The following GTF2IRD1 variants were observed in gnomAD, a reference collection of about 807,000 sequenced individuals.
GTF2IRD1 encodes GTF2I repeat domain containing 1, also known as general transcription factor II-I repeat domain-containing protein 1.
GTF2IRD1 carries 26 observed loss-of-function variants against 113.2 expected under a neutral mutation model. The observed-to-expected ratio is 0.23, with a 90% CI of 0.17 to 0.32. The LOEUF (loss-of-function observed/expected upper bound fraction) is 0.32. Ranked by LOEUF, GTF2IRD1 falls within the 10% of genes least tolerant of loss-of-function variation. GTF2IRD1 has a pLI of 1.00. For synonymous variants in GTF2IRD1, 484 were observed against 529.1 expected (o/e 0.91, Z 1.17); for missense variants, 864 against 1,280.8 (o/e 0.67, Z 4.97).
intron 9 of GTF2IRD1, among the ~76,000 whole-genome samples, chr7:74,531,411 G>A (rs1411879778): frequency 1.3e-5 from 2 of 152,168 alleles, no homozygotes; most frequent in Non-Finnish European, 2.9e-5. Context: ...CCTGATAATT[G>A]TCCATGCCTC....
intron 1 of GTF2IRD1, among the ~76,000 whole-genome samples, chr7:74,501,364 T>TGGGA (rs1296069776): frequency 3.3e-5 from 5 of 152,188 alleles, no homozygotes; most frequent in African/African-American, 1.2e-4. Flanking sequence ...GGTCTTCAGG[T>TGGGA]GGGAATTCCT....
Position 74,578,213 on chromosome 7 carries a change from G to A in GTF2IRD1, c.2321-11638G>A, listed in dbSNP as rs183930549. Among the ~76,000 whole-genome samples the A allele has an allele frequency of 1.5e-4, 23 of 151,996 alleles. No homozygotes were observed. The East Asian group carries it at 4.5e-3, about 30-fold the overall frequency. On this transcript the variant is annotated intron_variant, in intron 22 of 26. Coordinates refer to ENST00000424337, the MANE Select transcript of GTF2IRD1 (RefSeq NM_005685.4). The stretch of plus-strand genomic sequence containing the variant: ...TTTCTTTTTTTTGAGACGGAGTCTC[G>A]CACTGTCGCCCAGGCTGGAGTGAAG...
At chr7:74,518,429 G>T (rs587664145) in intron 5 of GTF2IRD1, 107 bp downstream of exon 5, 1 of 842,814 alleles carries the variant, frequency 1.2e-6, no homozygotes, top group South Asian at 1.9e-5. Flanking sequence ...TGAGATGCCC[G>T]TGGGGGACCC....
chr7:74,601,361 A>G (rs891307102), intron 26 of GTF2IRD1, 181 bp downstream of exon 26: 7 of 1,525,030 alleles, frequency 4.6e-6, no homozygotes, highest in Non-Finnish European at 6.1e-6. Context: ...GAGGTAGCCC[A>G]TCCTTCTCGT....
chr7:74,519,476 A>G lies in GTF2IRD1; in HGVS notation c.673A>G (p.Lys225Glu). The change falls in exon 6 of 27, where the codon AAG (lysine) becomes GAG (glutamate). Residue 225 changes from lysine (K) to glutamate (E), a missense_variant. Lys to Glu is a moderately conservative substitution (Grantham distance 56). Coordinates refer to ENST00000424337, the MANE Select transcript of GTF2IRD1 (RefSeq NM_005685.4). ...VELNGVSLIP[K>E]GSRDCGLHGQ... The stretch of plus-strand genomic sequence containing the variant: ...GCTGAACGGTGTCTCCCTGATTCCC[A>G]AGGGGTCACGGGACTGTGGCCTGCA... 6.3e-7 allele frequency: 1 copy of G among 1,598,548 alleles called. No homozygotes were observed.
At chr7:74,602,327 C>T in intron 26 of GTF2IRD1, 38 bp from the exon 27 acceptor site, 1 of 1,603,754 alleles carries the variant, frequency 6.2e-7, no homozygotes, top group Non-Finnish European at 8.5e-7. Flanking sequence ...TCCGCATCAC[C>T]TGGAGTCCTA....
intron 22 of GTF2IRD1, among the ~76,000 whole-genome samples, chr7:74,571,855 T>C (rs587625261): frequency 2.0e-5 from 3 of 151,752 alleles, no homozygotes; most frequent in Admixed American, 2.0e-4. Context: ...AGTGAGACCT[T>C]GTCTCAAAAA....
chr7:74,545,854 T>C (rs1554353140), intron 16 of GTF2IRD1, 45 bp downstream of exon 16: 2 of 1,416,760 alleles, frequency 1.4e-6, no homozygotes, highest in Non-Finnish European at 2.0e-6. Flanking sequence ...CCGGCCCCCC[T>C]CCAGCCGCCC....
chr7:74,542,791 C>A (rs1798704544), intron 14 of GTF2IRD1, among the ~76,000 whole-genome samples: 1 of 152,224 alleles, frequency 6.6e-6, no homozygotes, highest in African/African-American at 2.4e-5. Flanking sequence ...CCTTAGAAAA[C>A]ACCATAGAAG....
intron 1 of GTF2IRD1, among the ~76,000 whole-genome samples, chr7:74,459,176 G>A (rs534802653): frequency 3.3e-5 from 5 of 152,174 alleles, no homozygotes; most frequent in African/African-American, 9.7e-5. Flanking sequence ...TTAGGGCCGG[G>A]TGCGGTGGCT....
At position 74,508,379 on chromosome 7, in the gene GTF2IRD1, C is replaced by T. The variant is rs147923788; in HGVS notation, c.123+176C>T. On this transcript the variant is annotated intron_variant, in intron 2 of 26. Transcript: ENST00000424337. The stretch of plus-strand genomic sequence containing the variant: ...AAGGGTGTGAGATGTGAGACTTCAG[C>T]GAGATCCAGTACATAAAAATCTAGC... Among the ~76,000 whole-genome samples the T allele has an allele frequency of 9.9e-5, 15 of 152,264 alleles. No individual in the cohort carries two copies. Among genetic ancestry groups the T allele is most frequent in the African/African-American group, 3.4e-4 (14 of 41,554 alleles).
At chr7:74,568,613 A>G (rs1224188923) in intron 22 of GTF2IRD1, among the ~76,000 whole-genome samples, 3 of 152,032 alleles carry the variant, frequency 2.0e-5, no homozygotes, top group African/African-American at 7.2e-5. Context: ...GTGCCACTGC[A>G]CTCCAGCCTG....
intron 22 of GTF2IRD1, among the ~76,000 whole-genome samples, chr7:74,571,705 T>A (rs963207059): frequency 6.7e-6 from 1 of 150,220 alleles, no homozygotes; most frequent in African/African-American, 2.5e-5. Flanking sequence ...CGACAAAAAA[T>A]AAAAAATTAG....
chr7:74,458,585 AG>A (rs1793150064), intron 1 of GTF2IRD1, among the ~76,000 whole-genome samples: 1 of 151,636 alleles, frequency 6.6e-6, no homozygotes, highest in South Asian at 2.1e-4. Context: ...TTTGGCCTGT[AG>A]GGGGTGTGGT....
chr7:74,590,904 G>C lies in GTF2IRD1; in HGVS notation c.2478G>C (p.Thr826=). ...IRDSPDAVEV[T]GLPDDIPFRN... ...ACAGCCCAGACGCCGTGGAGGTCACGGGTCTGCCTGATGACATCCCCTTCC... is the reference window on the plus strand; with the variant it reads ...ACAGCCCAGACGCCGTGGAGGTCACCGGTCTGCCTGATGACATCCCCTTCC... The change falls in exon 24 of 27, where the codon ACG becomes ACC. Residue 826 remains threonine, a synonymous_variant. Transcript: ENST00000424337. The C allele has an allele frequency of 1.2e-6, 2 of 1,613,522 alleles. No homozygotes were observed. Among genetic ancestry groups the C allele is most frequent in the Non-Finnish European group, 1.7e-6 (2 of 1,179,652 alleles).
At chr7:74,535,223 C>T (rs964116042) in intron 10 of GTF2IRD1, 85 bp downstream of exon 10, 35 of 1,067,152 alleles carry the variant, frequency 3.3e-5, no homozygotes, top group Non-Finnish European at 4.8e-5. Flanking sequence ...TGGACTTGGT[C>T]CTCCTGAGCG....
intron 1 of GTF2IRD1, among the ~76,000 whole-genome samples, chr7:74,465,396 C>A (rs1373734245): frequency 1.3e-5 from 2 of 152,172 alleles, no homozygotes; most frequent in Non-Finnish European, 2.9e-5. Context: ...GCAGTGGAAC[C>A]ATCAGGGTCT....
intron 22 of GTF2IRD1, chr7:74,572,507 T>A: frequency 1.1e-5 from 9 of 827,902 alleles, no homozygotes; most frequent in Non-Finnish European, 1.3e-5. Flanking sequence ...CTGTCTTTGA[T>A]CTTGGATGAG....
intron 22 of GTF2IRD1, among the ~76,000 whole-genome samples, chr7:74,575,832 C>G (rs587737529): frequency 6.6e-6 from 1 of 152,220 alleles, no homozygotes; most frequent in South Asian, 2.1e-4. Flanking sequence ...GGGGAGCAGT[C>G]CAGGCTTGAG....
Sources: gnomAD v4.1 joint callset for allele counts (sites outside exome capture counted in the v4.1 genomes callset) on GRCh38, gnomAD v4.1.1 for gene constraint, MANE v1.5 for transcripts, NCBI Gene and HGNC (gene_info 2026-07-23, HGNC 2026-07-21) for gene names.